The following KIF6 variants were observed in gnomAD, a reference collection of about 807,000 sequenced individuals.
KIF6 encodes the protein kinesin family member 6.
KIF6 carries 106 observed loss-of-function variants against 112.7 expected under a neutral mutation model. That is an observed-to-expected ratio of 0.94 (90% CI 0.80 to 1.11). KIF6 has a LOEUF of 1.11. KIF6 is among the 50% of genes least tolerant of loss of function. The pLI is 0.00. For missense variants in KIF6, 929 were observed against 964.0 expected (o/e 0.96, Z 0.48); for synonymous variants, 339 against 339.9 (o/e 1.00, Z 0.03).
chr6:39,720,898 G>A, intron 1 of KIF6, 87 bp from the exon 2 acceptor site: 1 of 663,046 alleles, frequency 1.5e-6, no homozygotes, highest in Non-Finnish European at 2.7e-6. Context: ...GTAATGATAT[G>A]AAAATTATAC....
chr6:39,585,787 T>A (rs1781593104), intron 8 of KIF6, among the ~76,000 whole-genome samples: 1 of 152,174 alleles, frequency 6.6e-6, no homozygotes, highest in Non-Finnish European at 1.5e-5. Context: ...ACATTAAACA[T>A]CAGCTGACTC....
At chr6:39,708,555 T>G (rs899995086) in intron 3 of KIF6, among the ~76,000 whole-genome samples, 12 of 152,180 alleles carry the variant, frequency 7.9e-5, no homozygotes, top group African/African-American at 2.9e-4. Context: ...CAGTGCACAT[T>G]CTATTCATTT....
chr6:39,527,007 A>G (rs9357310), intron 13 of KIF6, among the ~76,000 whole-genome samples: 69,928 of 152,064 alleles, frequency 0.46, 19,206 homozygotes, highest in African/African-American at 0.77. Context: ...AGTGAGTTTT[A>G]CCTCTATCAA....
intron 16 of KIF6, among the ~76,000 whole-genome samples, chr6:39,363,833 A>C (rs1765354585): frequency 6.6e-6 from 1 of 152,154 alleles, no homozygotes; most frequent in Non-Finnish European, 1.5e-5. Flanking sequence ...GGATTCAAAA[A>C]TCCCTCGTAT....
At chr6:39,652,069 G>A (rs1307161082) in intron 3 of KIF6, among the ~76,000 whole-genome samples, 3 of 152,226 alleles carry the variant, frequency 2.0e-5, no homozygotes, top group African/African-American at 7.2e-5. Flanking sequence ...AAAATCACAC[G>A]AGGAGTCTTC....
intron 21 of KIF6, among the ~76,000 whole-genome samples, chr6:39,345,252 A>G (rs958623809): frequency 6.6e-6 from 1 of 152,252 alleles, no homozygotes; most frequent in Non-Finnish European, 1.5e-5. Flanking sequence ...CAGGCAGGGC[A>G]GAGGCTGTGC....
Position 39,559,221 on chromosome 6 carries a change from A to G in KIF6, c.1182-13533T>C, listed in dbSNP as rs533681664. On this transcript the variant is annotated intron_variant, in intron 10 of 22. Transcript: ENST00000287152. ...TTGCTTTATAGACAGCCATTATTAG[A>G]AGCTGGTAAGAAGGAGCCTAGGAGT... is the stretch of plus-strand genomic sequence containing the variant. Among the ~76,000 whole-genome samples, 4 of 152,310 alleles carry G rather than the reference A, an allele frequency of 2.6e-5. No individual in the cohort carries two copies. In the South Asian group the frequency reaches 8.3e-4, roughly 32 times the overall value.
chr6:39,720,021 AAAAG>A (rs1790112781), intron 2 of KIF6, among the ~76,000 whole-genome samples: 1 of 152,180 alleles, frequency 6.6e-6, no homozygotes, highest in Non-Finnish European at 1.5e-5. Context: ...TTAAGAAACA[AAAAG>A]AAACAGCTGA....
chr6:39,521,566 A>C (rs1777403650), intron 13 of KIF6, among the ~76,000 whole-genome samples: 1 of 152,108 alleles, frequency 6.6e-6, no homozygotes, highest in Admixed American at 6.6e-5. Flanking sequence ...GTATGTGAGG[A>C]CCATACCAAC....
rs146092452 is a variant in KIF6 at position 39,506,347 on chromosome 6, G to A, written c.1645+33656C>T. ...TGCAGGGAGGGGAACAACACACACC[G>A]GGGCCTGTTGGGGGTTGGGCACGAG... On this transcript the variant is annotated intron_variant, in intron 13 of 22. Coordinates refer to ENST00000287152, the MANE Select transcript of KIF6 (RefSeq NM_145027.6). Among the ~76,000 whole-genome samples, 752 of 152,236 alleles carry A rather than the reference G, an allele frequency of 4.9e-3. 5 individuals carry two copies. The highest frequency in any genetic ancestry group is 0.017 in the African/African-American group (702 of 41,528).
chr6:39,360,461 G>A lies in KIF6; in HGVS notation c.2016C>T (p.Asp672=). The change falls in exon 18 of 23, where the codon GAC becomes GAT. Residue 672 remains aspartate, a synonymous_variant. Coordinates refer to ENST00000287152, the MANE Select transcript of KIF6 (RefSeq NM_145027.6). The part of the protein sequence containing the change: ...VEIEHLQLLM[D]KAKVKLQKEF... ...CTTTCTGTAGCTTCACCTTGGCTTT[G>A]TCCATGAGCAGCTGCAAGTGCTCGA... 1 of 1,613,668 alleles carries A rather than the reference G, an allele frequency of 6.2e-7. No homozygotes were observed. Among genetic ancestry groups the A allele is most frequent in the African/African-American group, 1.3e-5 (1 of 74,838 alleles).
At chr6:39,637,736 G>T (rs1427351829) in intron 4 of KIF6, among the ~76,000 whole-genome samples, 1 of 152,024 alleles carries the variant, frequency 6.6e-6, no homozygotes, top group East Asian at 1.9e-4. Flanking sequence ...ACTTCAAGTT[G>T]CTTGACCAGT....
intron 3 of KIF6, among the ~76,000 whole-genome samples, chr6:39,679,188 G>A (rs2113765728): frequency 6.6e-6 from 1 of 152,256 alleles, no homozygotes; most frequent in African/African-American, 2.4e-5. Flanking sequence ...TCATTTAATT[G>A]GTACTAACTG....
rs770806543 is a variant in KIF6 at position 39,504,177 on chromosome 6, C to G, written c.1645+35826G>C. On this transcript the variant is annotated intron_variant, in intron 13 of 22. Coordinates refer to ENST00000287152, the MANE Select transcript of KIF6 (RefSeq NM_145027.6). ...TCCACCATGATCAAGTAGGCTTCATCCCCAGGATGCAAGGCTGATTCAACA... is the reference window on the plus strand; with the variant it reads ...TCCACCATGATCAAGTAGGCTTCATGCCCAGGATGCAAGGCTGATTCAACA... 3.9e-4 allele frequency among the ~76,000 whole-genome samples: 60 copies of G among 152,166 alleles called. 1 individual carries two copies. The highest frequency in any genetic ancestry group is 7.8e-4 in the Non-Finnish European group (53 of 68,022).
At chr6:39,682,420 T>C (rs893264066) in intron 3 of KIF6, among the ~76,000 whole-genome samples, 1 of 152,184 alleles carries the variant, frequency 6.6e-6, no homozygotes, top group African/African-American at 2.4e-5. Flanking sequence ...TCTAAACATA[T>C]GTAAATATAC....
chr6:39,449,910 C>T (rs1772576159), intron 13 of KIF6, among the ~76,000 whole-genome samples: 1 of 152,242 alleles, frequency 6.6e-6, no homozygotes, highest in Admixed American at 6.5e-5. Context: ...CTCATGTCAA[C>T]ATCCACAGGC....
chr6:39,524,839 G>A (rs62403275), intron 13 of KIF6, among the ~76,000 whole-genome samples: 9,548 of 152,272 alleles, frequency 0.063, 415 homozygotes, highest in Middle Eastern at 0.15. Context: ...TAAGCATCCA[G>A]CTCAGACTTT....
At chr6:39,524,180 C>G (rs1180325464) in intron 13 of KIF6, among the ~76,000 whole-genome samples, 4 of 151,170 alleles carry the variant, frequency 2.6e-5, no homozygotes, top group Non-Finnish European at 4.4e-5. Context: ...GAGATAGAAA[C>G]AGAGAGAGAG....
At chr6:39,710,909 C>T (rs1305037439) in intron 3 of KIF6, among the ~76,000 whole-genome samples, 1 of 151,920 alleles carries the variant, frequency 6.6e-6, no homozygotes, top group African/African-American at 2.4e-5. Flanking sequence ...TGTGTAATTT[C>T]AACTACTCGG....
Sources: allele counts gnomAD v4.1 joint callset (sites outside exome capture counted in the v4.1 genomes callset), GRCh38; gene constraint gnomAD v4.1.1; transcripts MANE v1.5; gene names NCBI Gene and HGNC (gene_info 2026-07-23, HGNC 2026-07-21).